The following SV2C variants were observed in gnomAD, a reference collection of about 807,000 sequenced individuals.
SV2C encodes synaptic vesicle glycoprotein 2C, also known as solute carrier family 22 member B3.
A neutral mutation model predicts 79.7 loss-of-function variants in SV2C; 49 were observed. The observed-to-expected ratio is 0.61, with a 90% CI of 0.49 to 0.78. The LOEUF is 0.78. SV2C is among the 30% of genes least tolerant of loss of function. The pLI is 0.00. For missense variants in SV2C, 833 were observed against 912.9 expected, an observed-to-expected ratio of 0.91 and a Z score of 1.13; for synonymous variants, 334 against 333.2, an observed-to-expected ratio of 1.00 and a Z score of -0.03.
At chr5:76,189,451 C>A (rs748054629) in intron 2 of SV2C, among the ~76,000 whole-genome samples, 26 of 152,166 alleles carry the variant, frequency 1.7e-4, no homozygotes, top group Admixed American at 1.3e-4. Context: ...ACAAAGCATA[C>A]TTTTAGGGGT....
At chr5:75,910,215 T>C in the SV2C span, 1 of 383,550 alleles carries the variant, frequency 2.6e-6, no homozygotes, top group East Asian at 6.8e-5. Flanking sequence ...AGCAGGTGGA[T>C]TGCATGAGTT....
At chr5:76,195,612 AGTT>A (rs1744248078) in intron 3 of SV2C, among the ~76,000 whole-genome samples, 1 of 152,176 alleles carries the variant, frequency 6.6e-6, no homozygotes, top group Admixed American at 6.5e-5. Flanking sequence ...AATTAACAGA[AGTT>A]GTGCTATTAC....
chr5:76,059,845 A>C, the SV2C span, among the ~76,000 whole-genome samples: 1 of 152,148 alleles, frequency 6.6e-6, no homozygotes, highest in African/African-American at 2.4e-5. Flanking sequence ...CTATAGCCTT[A>C]CAAAATACAT....
intron 4 of SV2C, among the ~76,000 whole-genome samples, chr5:76,242,577 A>G (rs577361087): frequency 1.1e-4 from 17 of 152,280 alleles, no homozygotes; most frequent in African/African-American, 3.8e-4. Context: ...CATGGCTTCA[A>G]GTGAGACATG....
chr5:75,910,352 C>A, the SV2C span: 1 of 559,770 alleles, frequency 1.8e-6, no homozygotes, highest in South Asian at 1.4e-5. Flanking sequence ...ATCATTATTC[C>A]CTACGATGGC....
intron 2 of SV2C, among the ~76,000 whole-genome samples, chr5:76,183,746 C>T (rs1198963169): frequency 1.3e-5 from 2 of 152,116 alleles, no homozygotes; most frequent in Non-Finnish European, 2.9e-5. Context: ...GTGTGCTATG[C>T]TCTGACACAC....
At chr5:76,301,074 G>C in intron 11 of SV2C, 142 bp downstream of exon 11, 2 of 948,202 alleles carry the variant, frequency 2.1e-6, no homozygotes, top group South Asian at 3.3e-5. Flanking sequence ...CTAAATTATA[G>C]TGAAAATTAT....
intron 3 of SV2C, among the ~76,000 whole-genome samples, chr5:76,206,638 TG>T (rs1326547025): frequency 2.0e-5 from 3 of 152,326 alleles, no homozygotes; most frequent in Middle Eastern, 3.4e-3. Context: ...TTGAAGAGTC[TG>T]GGAAATTCAG....
At chr5:76,278,382 T>TTG (rs1580013874) in intron 4 of SV2C, among the ~76,000 whole-genome samples, 1 of 152,306 alleles carries the variant, frequency 6.6e-6, no homozygotes, top group East Asian at 1.9e-4. Context: ...GAGTGGGATT[T>TTG]TGTGTGTGAG....
intron 9 of SV2C, among the ~76,000 whole-genome samples, chr5:76,297,417 G>A (rs1747812887): frequency 6.6e-6 from 1 of 152,082 alleles, no homozygotes; most frequent in Non-Finnish European, 1.5e-5. Flanking sequence ...TTGTGGCCTG[G>A]GGATGGATGG....
chr5:75,853,284 C>T, the SV2C span, among the ~76,000 whole-genome samples: 5 of 151,822 alleles, frequency 3.3e-5, no homozygotes, highest in Non-Finnish European at 5.9e-5. Flanking sequence ...TGGCCGGGCG[C>T]GGTGGCTCAC....
intron 2 of SV2C, among the ~76,000 whole-genome samples, chr5:76,153,983 C>A (rs1345877592): frequency 6.6e-6 from 1 of 152,148 alleles, no homozygotes; most frequent in East Asian, 1.9e-4. Flanking sequence ...AGCATGCAGA[C>A]AAGAACCAGG....
intron 4 of SV2C, among the ~76,000 whole-genome samples, chr5:76,238,477 T>C (rs1227112505): frequency 6.6e-6 from 1 of 152,122 alleles, no homozygotes; most frequent in Non-Finnish European, 1.5e-5. Flanking sequence ...GTTTCTTTTT[T>C]TCTGTTGTTT....
At chr5:76,237,511 C>T (rs1172554699) in intron 4 of SV2C, among the ~76,000 whole-genome samples, 2 of 152,122 alleles carry the variant, frequency 1.3e-5, no homozygotes, top group Non-Finnish European at 2.9e-5. Context: ...CCACTGCTCC[C>T]CTGAGTTGAT....
rs2913250 is a variant in SV2C, at chr5:76,330,652, A to T, written c.*5105A>T. On this transcript the variant is annotated 3_prime_UTR_variant, in exon 13 of 13. Transcript: ENST00000502798. ...GCAGGAACTATTCAGTCATTGAGATAACCTTTGATGAGAGGAGAAAGCTCC... is the reference window on the plus strand; with the variant it reads ...GCAGGAACTATTCAGTCATTGAGATTACCTTTGATGAGAGGAGAAAGCTCC... The T allele has an allele frequency of 0.67, 101,232 of 151,546 alleles. 34,463 individuals are homozygous for T. The highest frequency in any genetic ancestry group is 0.8 in the African/African-American group (32,940 of 41,294). The allele number at this position is 151,546 out of a possible 1,614,324, so 9.4% of individuals were successfully genotyped here.
chr5:76,074,099 G>T, the SV2C span, among the ~76,000 whole-genome samples: 1 of 152,148 alleles, frequency 6.6e-6, no homozygotes, highest in South Asian at 2.1e-4. Flanking sequence ...TTCCTCTGCA[G>T]TGAAGGCTCT....
intron 4 of SV2C, among the ~76,000 whole-genome samples, chr5:76,210,400 T>C (rs554766580): frequency 6.6e-6 from 1 of 152,304 alleles, no homozygotes; most frequent in East Asian, 1.9e-4. Context: ...TTTGCTAGAA[T>C]GGCTCACAGA....
intron 2 of SV2C, among the ~76,000 whole-genome samples, chr5:76,134,395 T>G (rs557227036): frequency 9.2e-5 from 14 of 152,346 alleles, no homozygotes; most frequent in Admixed American, 5.9e-4. Context: ...GCATTTAAAT[T>G]GTTTTGCCAT....
chr5:75,848,018 C>A, the SV2C span, among the ~76,000 whole-genome samples: 2 of 152,214 alleles, frequency 1.3e-5, no homozygotes, highest in African/African-American at 2.4e-5. Flanking sequence ...AAACCAGAGA[C>A]AACACCCTCT....
Sources: gnomAD v4.1 joint callset for allele counts (sites outside exome capture counted in the v4.1 genomes callset) on GRCh38, gnomAD v4.1.1 for gene constraint, MANE v1.5 for transcripts, NCBI Gene and HGNC (gene_info 2026-07-23, HGNC 2026-07-21) for gene names.